Variants in PIEZO1 observed in about 807,000 individuals in gnomAD.
The protein encoded by PIEZO1 is piezo-type mechanosensitive ion channel component 1.
In PIEZO1, 296 loss-of-function variants were observed where a neutral mutation model predicts 297.2. That is an observed-to-expected ratio of 1.00 (90% CI 0.91 to 1.10). The LOEUF (loss-of-function observed/expected upper bound fraction) is 1.10. Ranked by LOEUF, PIEZO1 falls within the 50% of genes least tolerant of loss-of-function variation. The pLI is 0.00. For missense variants in PIEZO1, 5,018 were observed against 3,455.5 expected (o/e 1.45, Z -11.34); for synonymous variants, 2,427 against 1,507.5 (o/e 1.61, Z -14.13).
At position 88,733,577 on chromosome 16, in the gene PIEZO1, G is replaced by A. The variant is rs1219078536; in HGVS notation, c.2487+11C>T. 2.6e-6 allele frequency: 4 copies of A among 1,535,540 alleles called. No homozygotes were observed. Among genetic ancestry groups the A allele is most frequent in the Admixed American group, 2.0e-5 (1 of 50,238 alleles). On this transcript the variant is annotated intron_variant, in intron 18 of 50. Coordinates refer to ENST00000301015, the MANE Select transcript of PIEZO1 (RefSeq NM_001142864.4). ...CCCCAGATGGGAAGCTGAGTTGCCT[G>A]CCACACTCACCTCCTTCAGGGCCAC...
chr16:88,755,813 G>C (rs1441660883), intron 1 of PIEZO1, among the ~76,000 whole-genome samples: 1 of 152,234 alleles, frequency 6.6e-6, no homozygotes. Flanking sequence ...TCGGGCGGTG[G>C]ACAGGTGGGG....
intron 1 of PIEZO1, 76 bp from the exon 2 acceptor site, chr16:88,749,555 G>C (rs1906276172): frequency 1.8e-6 from 2 of 1,124,270 alleles, no homozygotes; most frequent in East Asian, 5.6e-5. Flanking sequence ...CGCACCCACG[G>C]CCCAGCTCGT....
At chr16:88,732,020 G>A (rs1031105512) in intron 21 of PIEZO1, 110 bp from the exon 22 acceptor site, 89 of 131,412 alleles carry the variant, frequency 6.8e-4, no homozygotes, top group Non-Finnish European at 9.2e-4. Flanking sequence ...TGGAGGCTGC[G>A]GGCATCAAGC....
At chr16:88,752,407 A>G (rs1597474016) in intron 1 of PIEZO1, among the ~76,000 whole-genome samples, 2 of 152,230 alleles carry the variant, frequency 1.3e-5, no homozygotes, top group African/African-American at 2.4e-5. Context: ...ACTTGAGCCC[A>G]GGAGGCTGAG....
intron 2 of PIEZO1, among the ~76,000 whole-genome samples, chr16:88,747,642 G>A (rs2142858412): frequency 6.6e-6 from 1 of 152,336 alleles, no homozygotes; most frequent in South Asian, 2.1e-4. Context: ...CTGGCAGAAC[G>A]ATGGACCCCA....
Position 88,737,962 on chromosome 16 carries a change from T to A in PIEZO1, c.992A>T (p.Lys331Met), listed in dbSNP as rs1173341696. The A allele has an allele frequency of 3.9e-6, 6 of 1,533,112 alleles. No homozygotes were observed. Among genetic ancestry groups the A allele is most frequent in the Non-Finnish European group, 5.2e-6 (6 of 1,145,226 alleles). 95.0% of individuals were successfully genotyped at this position (1,533,112 alleles called of 1,614,324 possible). Residue 331 changes from lysine to methionine, a missense_variant, in exon 8 of 51, where the codon AAG becomes ATG. Physicochemically the swap from Lys to Met is moderately conservative, Grantham distance 95 (BLOSUM62 -1). Transcript: ENST00000301015. ...LLCYATASLR[K>M]LRAYRPSGQR... ...GCCGGAGGGGCGGTACGCGCGGAGCTTGCGCAGAGAGGCCGTGGCGTAGCA... is the reference window on the plus strand; with the variant it reads ...GCCGGAGGGGCGGTACGCGCGGAGCATGCGCAGAGAGGCCGTGGCGTAGCA...
Position 88,727,641 on chromosome 16 carries a change from G to A in PIEZO1, c.3217C>T (p.Arg1073Trp), listed in dbSNP as rs533790387. The change falls in exon 23 of 51, where the codon CGG becomes TGG. Residue 1073 changes from arginine (R) to tryptophan (W), a missense_variant. Physicochemically the swap from Arg to Trp is moderately radical, Grantham distance 101 (BLOSUM62 -3). Transcript: ENST00000301015. Reference protein sequence around the residue: ...LCIDYPWRWSRAVPMNSALIK... With the variant: ...LCIDYPWRWSWAVPMNSALIK... The stretch of plus-strand genomic sequence containing the variant: ...AGTGCGGAGTTCATGGGGACGGCCC[G>A]GCTCCAGCGCCAGGGATAATCTGGG... 72 of 1,491,706 alleles carry A rather than the reference G, an allele frequency of 4.8e-5. No individual in the cohort carries two copies. Among genetic ancestry groups the A allele is most frequent in the East Asian group, 7.7e-5 (3 of 38,858 alleles). 92.4% of individuals were successfully genotyped at this position (1,491,706 alleles called of 1,614,324 possible). A position where few individuals can be genotyped will look rare whatever the true frequency, so the allele number is the denominator to read the frequency against.
chr16:88,720,679 G>A lies in PIEZO1; in HGVS notation c.5738C>T (p.Pro1913Leu), dbSNP rs767341956. 3.9e-6 allele frequency: 6 copies of A among 1,544,964 alleles called. No individual in the cohort carries two copies. Among genetic ancestry groups the A allele is most frequent in the East Asian group, 2.4e-5 (1 of 40,838 alleles). The change falls in exon 40 of 51, where the codon CCA becomes CTA. Residue 1913 changes from proline (P) to leucine (L), a missense_variant. Coordinates refer to ENST00000301015, the MANE Select transcript of PIEZO1 (RefSeq NM_001142864.4). ...CCTTACTCTTCCTCCAGAGCGGCTT[G>A]GCCTCTTCTCTCTCCCCGTGGGGGC... ...KEAPTGREKR[P>L]SRSGGRVRAA...
rs766820906 is a variant in PIEZO1 at position 88,726,782 on chromosome 16, C to T, written c.3632G>A (p.Arg1211His). ...AATGAGGCAGTCCCACAGCACGAGG[C>T]GGGCCCGTGTGTCCCTCTGCAGCAG... ...TALLQRDTRA[R>H]LVLWDCLILY... Residue 1211 changes from arginine (R) to histidine (H), a missense_variant, in exon 25 of 51, where the codon CGC becomes CAC. Physicochemically the swap from Arg to His is conservative, Grantham distance 29. Transcript: ENST00000301015. 152 of 1,550,112 alleles carry T rather than the reference C, an allele frequency of 9.8e-5. No individual in the cohort carries two copies. Among genetic ancestry groups the T allele is most frequent in the Middle Eastern group, 1.7e-4 (1 of 6,014 alleles).
chr16:88,775,103 G>T (rs764196395), intron 1 of PIEZO1, among the ~76,000 whole-genome samples: 1 of 152,216 alleles, frequency 6.6e-6, no homozygotes, highest in Non-Finnish European at 1.5e-5. Flanking sequence ...CACCCAGGAC[G>T]TAACGGAGTG....
rs1486036541 is a variant in PIEZO1, at chr16:88,742,310, C to T, written c.273G>A (p.Leu91=). 6.5e-7 allele frequency: 1 copy of T among 1,533,500 alleles called. No individual in the cohort carries two copies. The highest frequency in any genetic ancestry group is 2.4e-5 in the East Asian group (1 of 40,878). 95.0% of individuals were successfully genotyped at this position (1,533,500 alleles called of 1,614,324 possible). Reference sequence around the variant, plus strand: ...CCCTCAGCGACTCACAGCTGGGTCCCAGGAGCTGGTCCAGGCGGGGCACAA... The same window carrying T: ...CCCTCAGCGACTCACAGCTGGGTCCTAGGAGCTGGTCCAGGCGGGGCACAA... ...LHIVPRLDQL[L]GPSCSRWETL... The change falls in exon 3 of 51, where the codon CTG becomes CTA. Residue 91 remains leucine (L), a synonymous_variant. Transcript: ENST00000301015.
At chr16:88,749,543 A>G (rs1279650747) in intron 1 of PIEZO1, 64 bp from the exon 2 acceptor site, 1 of 1,239,384 alleles carries the variant, frequency 8.1e-7, no homozygotes, top group African/African-American at 1.5e-5. Flanking sequence ...CCCAGAGGAC[A>G]GCGCACCCAC....
intron 6 of PIEZO1, 45 bp from the exon 7 acceptor site, chr16:88,738,485 T>C: frequency 1.3e-6 from 2 of 1,528,400 alleles, no homozygotes; most frequent in Non-Finnish European, 1.7e-6. Context: ...CAGTGCCATG[T>C]GTCCCGCTGT....
At position 88,725,020 on chromosome 16, in the gene PIEZO1, T is replaced by C. The variant is rs1904326512; in HGVS notation, c.4223A>G (p.Asp1408Gly). The C allele has an allele frequency of 2.0e-6, 3 of 1,489,564 alleles. No individual in the cohort carries two copies. In the East Asian group the frequency reaches 8.3e-5, roughly 41 times the overall value. The allele number at this position is 1,489,564 out of a possible 1,614,324, so 92.3% of individuals were successfully genotyped here. ...PRRQWWRPWL[D>G]HATVIHSGDY... The stretch of plus-strand genomic sequence containing the variant: ...CTAATTGGGGGTACCTGTGGCGTGG[T>C]CCAGCCAGGGCCGCCACCACTGCCT... The change falls in exon 30 of 51, where the codon GAC becomes GGC. Residue 1408 changes from aspartate to glycine, a missense_variant. Transcript: ENST00000301015.
chr16:88,738,351 T>C lies in PIEZO1; in HGVS notation c.724A>G (p.Thr242Ala). Residue 242 changes from threonine (T) to alanine (A), a missense_variant, in exon 7 of 51, where the codon ACT (threonine) becomes GCT (alanine). Transcript: ENST00000301015. The part of the protein sequence containing the change: ...TWWACHFPIS[T>A]RGFSRLCVAV... ...ACGCAGAGTCTGCTGAAGCCCCGAG[T>C]GCTGATGGGAAAGTGGCAGGCCCAC... 1 of 1,535,476 alleles carries C rather than the reference T, an allele frequency of 6.5e-7. No homozygotes were observed. The highest frequency in any genetic ancestry group is 1.2e-5 in the South Asian group (1 of 84,024).
intron 44 of PIEZO1, chr16:88,717,957 C>A (rs761020784): frequency 9.6e-5 from 34 of 353,432 alleles, no homozygotes; most frequent in South Asian, 2.9e-4. Flanking sequence ...GTGGTGCACA[C>A]CTGTAGTCCC....
intron 1 of PIEZO1, among the ~76,000 whole-genome samples, chr16:88,759,073 C>T (rs767344702): frequency 1.3e-5 from 2 of 152,176 alleles, no homozygotes; most frequent in African/African-American, 2.4e-5. Flanking sequence ...TGTTTTCATG[C>T]GTTGCTGGAG....
Position 88,727,133 on chromosome 16 carries a change from T to G in PIEZO1, c.3361A>C (p.Thr1121Pro), listed in dbSNP as rs1904505782. The G allele has an allele frequency of 6.5e-7, 1 of 1,549,856 alleles. No homozygotes were observed. The highest frequency in any genetic ancestry group is 2.4e-5 in the East Asian group (1 of 40,912). ...CCAGCCATGCGCTGCCACTCCTCTG[T>G]GCGCTCAGCTGAGAACACCTGCCAC... The part of the protein sequence containing the change: ...QQWQVFSAER[T>P]EEWQRMAGVN... The change falls in exon 24 of 51, where the codon ACA becomes CCA. Residue 1121 changes from threonine to proline, a missense_variant. Transcript: ENST00000301015.
intron 1 of PIEZO1, among the ~76,000 whole-genome samples, chr16:88,755,224 T>G (rs961506323): frequency 3.9e-5 from 6 of 152,214 alleles, no homozygotes; most frequent in African/African-American, 1.2e-4. Flanking sequence ...GCCCCCGCCA[T>G]GTGGCTCGGG....
Sources: allele counts gnomAD v4.1 joint callset (sites outside exome capture counted in the v4.1 genomes callset), GRCh38; gene constraint gnomAD v4.1.1; transcripts MANE v1.5; gene names NCBI Gene and HGNC (gene_info 2026-07-23, HGNC 2026-07-21).